Variants in WDR33 observed in about 807,000 individuals in gnomAD.
The protein encoded by WDR33 is pre-mRNA 3' end processing protein WDR33.
WDR33 carries 47 observed loss-of-function variants against 164.9 expected under a neutral mutation model. The observed-to-expected ratio is 0.29, with a 90% confidence interval of 0.23 to 0.36. The LOEUF is 0.36. Among genes scored for constraint, WDR33 ranks in the 10% least tolerant of loss-of-function variants. The probability of loss-of-function intolerance (pLI) is 1.00; values close to 1 mark genes in which losing one functional copy is unlikely to be tolerated. For synonymous variants in WDR33, 505 were observed against 589.0 expected, an observed-to-expected ratio of 0.86 and a Z score of 2.06; for missense variants, 1,137 against 1,754.1, an observed-to-expected ratio of 0.65 and a Z score of 6.28.
chr2:127,752,189 T>G (rs1027319635), intron 7 of WDR33, among the ~76,000 whole-genome samples: 1 of 152,236 alleles, frequency 6.6e-6, no homozygotes, highest in Non-Finnish European at 1.5e-5. Flanking sequence ...TTCATCCAAC[T>G]TCCTTATCAC....
In WDR33 at chr2:127,713,025, G is replaced by A. The variant is rs947371147; in HGVS notation, c.3308+558C>T. On this transcript the variant is annotated intron_variant, in intron 18 of 21. Transcript: ENST00000322313. The surrounding 1 kb of genome is among the most constrained non-coding windows in gnomAD (Gnocchi z 6.2). Reference sequence around the variant, plus strand: ...TCCTGCCTCAGCCACCCAAAGTGCTGGGATTACAGGCGTGAGCCACTGGTC... The same window carrying A: ...TCCTGCCTCAGCCACCCAAAGTGCTAGGATTACAGGCGTGAGCCACTGGTC... Among the ~76,000 whole-genome samples, 2 of 152,190 alleles carry A rather than the reference G, an allele frequency of 1.3e-5. No homozygotes were observed. The highest frequency in any genetic ancestry group is 2.9e-5 in the Non-Finnish European group (2 of 68,024).
At chr2:127,752,439 A>T (rs1348271817) in intron 7 of WDR33, among the ~76,000 whole-genome samples, 5 of 149,282 alleles carry the variant, frequency 3.3e-5, no homozygotes, top group African/African-American at 1.2e-4. Context: ...AAATACAAAA[A>T]ATTAGCCGGG....
At position 127,720,439 on chromosome 2, in the gene WDR33, G is replaced by C; in HGVS notation, c.1672-86C>G. The C allele has an allele frequency of 7.0e-7, 1 of 1,426,874 alleles. No individual in the cohort carries two copies. The highest frequency in any genetic ancestry group is 9.2e-7 in the Non-Finnish European group (1 of 1,090,524). 88.4% of individuals were successfully genotyped at this position (1,426,874 alleles called of 1,614,324 possible). On this transcript the variant is annotated intron_variant, in intron 15 of 21. Coordinates refer to ENST00000322313, the MANE Select transcript of WDR33 (RefSeq NM_018383.5). The surrounding 1 kb of genome is among the most constrained non-coding windows in gnomAD (Gnocchi z 5.9). ...AATATTGCTATCATGTATTCTGTTA[G>C]GGGACTCTCAAACATAAAAACTGCT...
At chr2:127,778,905 C>G (rs1480494192) in intron 1 of WDR33, among the ~76,000 whole-genome samples, 1 of 152,122 alleles carries the variant, frequency 6.6e-6, no homozygotes, top group East Asian at 1.9e-4. Flanking sequence ...CCAACTAAAA[C>G]ACATAGGAAA....
In WDR33 at chr2:127,764,344, T is replaced by C. The variant is rs1687760525; in HGVS notation, c.626+484A>G. On this transcript the variant is annotated intron_variant, in intron 6 of 21. Coordinates refer to ENST00000322313, the MANE Select transcript of WDR33 (RefSeq NM_018383.5). The surrounding 1 kb of genome is among the most constrained non-coding windows in gnomAD (Gnocchi z 6.2). ...CACATCCAGTTATCTGTGAGGGTTTTAGTCCTATACTTTCCTTTGGAAGTC... is the reference window on the plus strand; with the variant it reads ...CACATCCAGTTATCTGTGAGGGTTTCAGTCCTATACTTTCCTTTGGAAGTC... The C allele has an allele frequency of 1.0e-5, 14 of 1,390,396 alleles. No individual in the cohort carries two copies. The highest frequency in any genetic ancestry group is 1.5e-5 in the African/African-American group (1 of 68,268). 86.1% of individuals were successfully genotyped at this position (1,390,396 alleles called of 1,614,324 possible).
At chr2:127,786,843 TC>T (rs377315037) in intron 1 of WDR33, among the ~76,000 whole-genome samples, 19 of 119,020 alleles carry the variant, frequency 1.6e-4, no homozygotes, top group East Asian at 1.5e-3. Context: ...TCCTTTCTGT[TC>T]TTTTTTTTTT....
At chr2:127,737,549 T>C (rs1686884035) in intron 7 of WDR33, 3 of 986,848 alleles carry the variant, frequency 3.0e-6, no homozygotes, top group Non-Finnish European at 3.6e-6. Context: ...GATGGGAGTC[T>C]GGCACTAAAT....
chr2:127,805,726 G>A (rs1689412331), intron 1 of WDR33, among the ~76,000 whole-genome samples: 1 of 152,106 alleles, frequency 6.6e-6, no homozygotes, highest in Non-Finnish European at 1.5e-5. Context: ...AACACAAGGA[G>A]CTAAAAGCGA....
At chr2:127,736,952 T>A in intron 7 of WDR33, 1 of 985,204 alleles carries the variant, frequency 1.0e-6, no homozygotes, top group Non-Finnish European at 1.2e-6. Flanking sequence ...AGAAAAACAG[T>A]TAATTGATAA....
chr2:127,751,839 G>C (rs12991519), intron 7 of WDR33, among the ~76,000 whole-genome samples: 20,046 of 152,034 alleles, frequency 0.13, 1,438 homozygotes, highest in South Asian at 0.25. Context: ...TCTGATCTTA[G>C]AGTCACTCAA....
At chr2:127,757,088 A>C (rs1198824508) in intron 7 of WDR33, among the ~76,000 whole-genome samples, 1 of 151,940 alleles carries the variant, frequency 6.6e-6, no homozygotes, top group African/African-American at 2.4e-5. Flanking sequence ...AAAAAAAAAA[A>C]AAAAAAGTCG....
intron 18 of WDR33, among the ~76,000 whole-genome samples, chr2:127,711,062 A>C (rs987609127): frequency 2.0e-5 from 3 of 152,186 alleles, no homozygotes; most frequent in African/African-American, 7.2e-5. Flanking sequence ...ATATAATCAC[A>C]ATACCTTTAC....
chr2:127,781,954 C>A (rs930677277), intron 1 of WDR33, among the ~76,000 whole-genome samples: 1 of 142,818 alleles, frequency 7.0e-6, no homozygotes, highest in Non-Finnish European at 1.5e-5. Flanking sequence ...GCCAAGATTG[C>A]GCCATTGCAC....
intron 7 of WDR33, among the ~76,000 whole-genome samples, chr2:127,742,728 G>A (rs573674874): frequency 8.7e-5 from 13 of 150,248 alleles, no homozygotes; most frequent in Middle Eastern, 3.4e-3. Context: ...TAAGAATTCC[G>A]TAAGACAAGC....
In WDR33 at chr2:127,789,775, C is replaced by T. The variant is rs995135395; in HGVS notation, c.-23-18771G>A. 1.2e-4 allele frequency among the ~76,000 whole-genome samples: 18 copies of T among 152,094 alleles called. 1 individual carries two copies. The East Asian group carries it at 3.5e-3, about 29-fold the overall frequency. ...TTTACTATTAAGTATGACATAACTACAGATTTTTTGTAGATGCCCTTTATC... is the reference window on the plus strand; with the variant it reads ...TTTACTATTAAGTATGACATAACTATAGATTTTTTGTAGATGCCCTTTATC... On this transcript the variant is annotated intron_variant, in intron 1 of 21. Transcript: ENST00000322313.
At chr2:127,760,147 T>C (rs937361774) in intron 7 of WDR33, among the ~76,000 whole-genome samples, 79 of 152,196 alleles carry the variant, frequency 5.2e-4, no homozygotes, top group Non-Finnish European at 9.8e-4. Context: ...GTAAGGAATA[T>C]TACATCACTG....
intron 7 of WDR33, chr2:127,736,268 T>C: frequency 1.0e-6 from 1 of 985,406 alleles, no homozygotes. Context: ...TTCAGCAGAA[T>C]GGACACTTCC....
At chr2:127,809,916 G>A (rs1573497767) in intron 1 of WDR33, among the ~76,000 whole-genome samples, 1 of 152,172 alleles carries the variant, frequency 6.6e-6, no homozygotes, top group African/African-American at 2.4e-5. Flanking sequence ...GTATCTTACA[G>A]TAATAAAAAA....
intron 7 of WDR33, chr2:127,736,909 G>A (rs1686862153): frequency 1.0e-6 from 1 of 985,164 alleles, no homozygotes; most frequent in Admixed American, 6.2e-5. Context: ...TTTAAAGGCT[G>A]TATTTAGAAA....
Sources: gnomAD v4.1 joint callset for allele counts (sites outside exome capture counted in the v4.1 genomes callset) on GRCh38, gnomAD v4.1.1 for gene constraint, Gnocchi (gnomAD v3.1) non-coding constraint, MANE v1.5 for transcripts, NCBI Gene and HGNC (gene_info 2026-07-23, HGNC 2026-07-21) for gene names.